The following STK4 variants were observed in gnomAD, a reference collection of about 807,000 sequenced individuals.
STK4 encodes the protein serine/threonine-protein kinase 4.
STK4 carries 30 observed loss-of-function variants against 64.9 expected under a neutral mutation model. The ratio of observed to expected loss-of-function variants is 0.46; its 90% CI spans 0.35 to 0.63. The LOEUF is 0.63. Among genes scored for constraint, STK4 ranks in the 20% least tolerant of loss-of-function variants. STK4 has a pLI of 0.01. For missense variants in STK4, 466 were observed against 598.5 expected, an observed-to-expected ratio of 0.78 and a Z score of 2.31; for synonymous variants, 177 against 199.0, an observed-to-expected ratio of 0.89 and a Z score of 0.93.
At chr20:44,988,819 A>G (rs1601210608) in intron 5 of STK4, among the ~76,000 whole-genome samples, 1 of 151,902 alleles carries the variant, frequency 6.6e-6, no homozygotes, top group East Asian at 1.9e-4. Context: ...CTTGACAACC[A>G]CTAATCTACT....
At chr20:45,045,516 A>G (rs546644218) in intron 10 of STK4, among the ~76,000 whole-genome samples, 136 of 152,358 alleles carry the variant, frequency 8.9e-4, no homozygotes, top group African/African-American at 3.0e-3. Context: ...TTCAAATAAC[A>G]TGTGATAGGG....
chr20:45,062,023 G>A (rs1051265316), intron 10 of STK4, among the ~76,000 whole-genome samples: 2 of 151,854 alleles, frequency 1.3e-5, no homozygotes, highest in Non-Finnish European at 2.9e-5. Flanking sequence ...GGGATTACAG[G>A]CATGTGCCAC....
chr20:45,040,972 A>G (rs1423828459), intron 10 of STK4, among the ~76,000 whole-genome samples: 1 of 152,162 alleles, frequency 6.6e-6, no homozygotes, highest in Non-Finnish European at 1.5e-5. Context: ...AGTACTTCTG[A>G]CAACAATACT....
chr20:44,998,542 A>G (rs6031924), intron 7 of STK4, among the ~76,000 whole-genome samples: 27,371 of 152,144 alleles, frequency 0.18, 2,650 homozygotes, highest in African/African-American at 0.22. Flanking sequence ...ATATATTTAA[A>G]AACTCTCATT....
intron 9 of STK4, among the ~76,000 whole-genome samples, chr20:45,003,638 G>T (rs2067880482): frequency 6.6e-6 from 1 of 152,034 alleles, no homozygotes; most frequent in African/African-American, 2.4e-5. Context: ...TGCATGTGTG[G>T]CAGGGAGTAT....
Position 45,037,617 on chromosome 20 carries a change from G to A in STK4, c.1305+12487G>A, listed in dbSNP as rs1329811673. Among the ~76,000 whole-genome samples the A allele has an allele frequency of 3.3e-5, 5 of 152,092 alleles. No homozygotes were observed. The South Asian group carries it at 6.2e-4, about 19-fold the overall frequency. ...TTATAAGCCATTCAGTTGGCTTTTT[G>A]TGGTAAGGAAGGATAAATTTTAGCC... On this transcript the variant is annotated intron_variant, in intron 10 of 10. Transcript: ENST00000372806.
intron 10 of STK4, among the ~76,000 whole-genome samples, chr20:45,072,981 G>A (rs1980205127): frequency 6.6e-6 from 1 of 152,166 alleles, no homozygotes; most frequent in South Asian, 2.1e-4. Context: ...CCAGGGTGGA[G>A]GAACAAAATA....
chr20:45,021,003 A>G (rs748998550), intron 9 of STK4, among the ~76,000 whole-genome samples: 5 of 151,962 alleles, frequency 3.3e-5, no homozygotes, highest in Non-Finnish European at 7.4e-5. Context: ...TATTATTTGT[A>G]GAGACCAGGT....
At chr20:44,974,355 T>C (rs1415897375) in intron 2 of STK4, 6 of 152,236 alleles carry the variant, frequency 3.9e-5, no homozygotes, top group Admixed American at 3.9e-4. Context: ...ATACCAGATT[T>C]CTGGTATTTC....
At chr20:44,995,283 G>A in intron 6 of STK4, 26 bp downstream of exon 6, 2 of 1,592,370 alleles carry the variant, frequency 1.3e-6, no homozygotes, top group Non-Finnish European at 1.7e-6. Flanking sequence ...GAAAGCCAGT[G>A]GGGTGGTTAG....
intron 9 of STK4, among the ~76,000 whole-genome samples, chr20:45,023,391 A>G (rs773908825): frequency 6.6e-6 from 1 of 152,172 alleles, no homozygotes; most frequent in Non-Finnish European, 1.5e-5. Flanking sequence ...GTGTCATGAA[A>G]TAAGTAAGAT....
chr20:45,018,898 A>T (rs1354235506), intron 9 of STK4, among the ~76,000 whole-genome samples: 1 of 150,360 alleles, frequency 6.7e-6, no homozygotes, highest in South Asian at 2.1e-4. Context: ...CAGCTAATTT[A>T]AAAAAAAAAT....
rs150711573 is a variant in STK4, at chr20:45,034,066, A to G, written c.1305+8936A>G. On this transcript the variant is annotated intron_variant, in intron 10 of 10. Coordinates refer to ENST00000372806, the MANE Select transcript of STK4 (RefSeq NM_006282.5). ...ATTATAAACAATTTAGAAATGAATA[A>G]TAAGAATTATACAAAATTCAAATCC... Among the ~76,000 whole-genome samples, 1,311 of 152,218 alleles carry G rather than the reference A, an allele frequency of 8.6e-3. 18 individuals are homozygous for G. The highest frequency in any genetic ancestry group is 0.03 in the African/African-American group (1,258 of 41,570).
At chr20:45,046,699 C>T (rs1033673043) in intron 10 of STK4, among the ~76,000 whole-genome samples, 10 of 149,422 alleles carry the variant, frequency 6.7e-5, no homozygotes, top group East Asian at 3.9e-4. Flanking sequence ...ATTTTTTTTC[C>T]GAGATGAAGC....
At chr20:44,969,002 C>T (rs2145623742) in intron 1 of STK4, among the ~76,000 whole-genome samples, 1 of 152,268 alleles carries the variant, frequency 6.6e-6, no homozygotes, top group East Asian at 1.9e-4. Context: ...CTTTGCTTGA[C>T]TCGTAGATGG....
chr20:44,980,577 G>A (rs1175595293), intron 3 of STK4, among the ~76,000 whole-genome samples: 1 of 152,212 alleles, frequency 6.6e-6, no homozygotes, highest in Admixed American at 6.5e-5. Context: ...ATTGTAGTAT[G>A]TGTATGTTTT....
At chr20:45,001,093 C>G in intron 8 of STK4, 74 bp from the exon 9 acceptor site, 1 of 1,447,434 alleles carries the variant, frequency 6.9e-7, no homozygotes, top group East Asian at 2.4e-5. Flanking sequence ...TTCACTAAGA[C>G]AGGTAGTAGT....
intron 10 of STK4, among the ~76,000 whole-genome samples, chr20:45,066,015 A>T (rs1979535787): frequency 6.6e-6 from 1 of 152,084 alleles, no homozygotes; most frequent in African/African-American, 2.4e-5. Context: ...TGATGCTGGC[A>T]ATTTGGATTT....
In STK4 at chr20:44,987,892, A is replaced by G. The variant is rs556686484; in HGVS notation, c.525+596A>G. The stretch of plus-strand genomic sequence containing the variant: ...GGTATACTCTAAAATTTGCAAAAAT[A>G]TTACATATCAAGTGGTTTTCTTGGG... On this transcript the variant is annotated intron_variant, in intron 5 of 10. Coordinates refer to ENST00000372806, the MANE Select transcript of STK4 (RefSeq NM_006282.5). Among the ~76,000 whole-genome samples the G allele has an allele frequency of 2.6e-5, 4 of 152,228 alleles. No individual in the cohort carries two copies. The South Asian group carries it at 6.2e-4, about 24-fold the overall frequency.
Sources: gnomAD v4.1 joint callset for allele counts (sites outside exome capture counted in the v4.1 genomes callset) on GRCh38, gnomAD v4.1.1 for gene constraint, MANE v1.5 for transcripts, NCBI Gene and HGNC (gene_info 2026-07-23, HGNC 2026-07-21) for gene names.